The following NEDD4L variants were observed in gnomAD, a reference collection of about 807,000 sequenced individuals.
NEDD4L encodes the protein E3 ubiquitin-protein ligase NEDD4-like.
NEDD4L carries 54 observed loss-of-function variants against 148.9 expected under a neutral mutation model. The observed-to-expected ratio is 0.36, with a 90% CI of 0.29 to 0.45. NEDD4L has a LOEUF of 0.45. NEDD4L is among the 20% of genes least tolerant of loss of function. The probability of loss-of-function intolerance (pLI) is 1.00; values close to 1 mark genes in which losing one functional copy is unlikely to be tolerated. For missense variants in NEDD4L, 856 were observed against 1,233.8 expected (o/e 0.69, Z 4.59); for synonymous variants, 433 against 440.7 (o/e 0.98, Z 0.22).
chr18:58,397,737 G>A lies in NEDD4L; in HGVS notation c.*1468G>A, dbSNP rs1265532424. ...CCTGCACAGTTTGATTCTTTTCCAC[G>A]TGTAAGTCTCCATTGCAGAATTGTC... On this transcript the variant is annotated 3_prime_UTR_variant, in exon 31 of 31. Transcript: ENST00000400345. 2 of 152,756 alleles carry A rather than the reference G, an allele frequency of 1.3e-5. No individual in the cohort carries two copies. Among genetic ancestry groups the A allele is most frequent in the South Asian group, 2.1e-4 (1 of 4,828 alleles). 9.5% of individuals were successfully genotyped at this position (152,756 alleles called of 1,614,324 possible). A position where few individuals can be genotyped will look rare whatever the true frequency, so the allele number is the denominator to read the frequency against.
chr18:58,350,930 G>T, intron 17 of NEDD4L, 61 bp from the exon 18 acceptor site: 1 of 1,355,382 alleles, frequency 7.4e-7, no homozygotes, highest in Non-Finnish European at 1.0e-6. Flanking sequence ...TGTTGCCTTT[G>T]ATTTCAGAAC....
rs1600697481 is a variant in NEDD4L at position 58,284,909 on chromosome 18, G to A, written c.298-31073G>A. Reference sequence around the variant, plus strand: ...TTGGGACAAGGCAGTGGTGCACATGGGCCAGCTCCTGTAACTTTCCTGTTT... The same window carrying A: ...TTGGGACAAGGCAGTGGTGCACATGAGCCAGCTCCTGTAACTTTCCTGTTT... On this transcript the variant is annotated intron_variant, in intron 5 of 30. Transcript: ENST00000400345. Among the ~76,000 whole-genome samples the A allele has an allele frequency of 2.0e-5, 3 of 152,222 alleles. No homozygotes were observed. The South Asian group carries it at 6.2e-4, about 32-fold the overall frequency.
intron 27 of NEDD4L, chr18:58,387,905 C>T (rs2049260773): frequency 6.4e-6 from 1 of 157,440 alleles, no homozygotes; most frequent in Admixed American, 6.5e-5. Context: ...ACCAGACTGG[C>T]CAAGTATCCT....
intron 1 of NEDD4L, among the ~76,000 whole-genome samples, chr18:58,154,021 G>A (rs1200756740): frequency 6.6e-6 from 1 of 152,202 alleles, no homozygotes; most frequent in Non-Finnish European, 1.5e-5. Context: ...TGGCATTAAA[G>A]TCAAACATTA....
intron 1 of NEDD4L, among the ~76,000 whole-genome samples, chr18:58,155,843 C>T (rs997684434): frequency 6.6e-6 from 1 of 152,208 alleles, no homozygotes; most frequent in Non-Finnish European, 1.5e-5. Flanking sequence ...AGTCTCTAGA[C>T]ATGATCAGTT....
At chr18:58,214,131 A>G (rs2042888961) in intron 2 of NEDD4L, among the ~76,000 whole-genome samples, 1 of 151,866 alleles carries the variant, frequency 6.6e-6, no homozygotes, top group South Asian at 2.1e-4. Context: ...TGGGAAAAGC[A>G]GAGAGGAAAT....
chr18:58,341,138 G>A lies in NEDD4L; in HGVS notation c.1226G>A (p.Arg409Gln), dbSNP rs1312844888. The A allele has an allele frequency of 6.2e-6, 10 of 1,612,630 alleles. No individual in the cohort carries two copies. The highest frequency in any genetic ancestry group is 1.7e-5 in the Admixed American group (1 of 59,892). ...ACATACTATGTCAATCATAACAATC[G>A]AACCACAACTTGGACTCGACCTATC... is the stretch of plus-strand genomic sequence containing the variant. The part of the protein sequence containing the change: ...GRTYYVNHNN[R>Q]TTTWTRPIMQ... The change falls in exon 14 of 31, where the codon CGA becomes CAA. Residue 409 changes from arginine to glutamine, a missense_variant. Around this residue, in one of 4 missense-constraint regions of NEDD4L, gnomAD observed 367 missense variants for 422.7 expected, o/e 0.87. Transcript: ENST00000400345.
At chr18:58,316,806 T>G (rs559212016) in intron 6 of NEDD4L, among the ~76,000 whole-genome samples, 2 of 152,222 alleles carry the variant, frequency 1.3e-5, no homozygotes, top group African/African-American at 4.8e-5. Flanking sequence ...CCTGGCCTTC[T>G]TCCCTGGGCA....
chr18:58,173,196 T>A (rs2037710507), intron 2 of NEDD4L, among the ~76,000 whole-genome samples: 1 of 152,250 alleles, frequency 6.6e-6, no homozygotes, highest in Admixed American at 6.5e-5. Flanking sequence ...TGCAACTTTT[T>A]AAACCTAACT....
chr18:58,141,171 C>G (rs1022380793), intron 1 of NEDD4L, among the ~76,000 whole-genome samples: 8 of 152,204 alleles, frequency 5.3e-5, no homozygotes, highest in African/African-American at 1.9e-4. Flanking sequence ...TGTTAACCAT[C>G]AGCAGGGTTG....
chr18:58,105,300 G>T (rs760273910), intron 1 of NEDD4L, among the ~76,000 whole-genome samples: 2 of 152,094 alleles, frequency 1.3e-5, no homozygotes, highest in African/African-American at 4.8e-5. Context: ...GGATGCTTTC[G>T]AGGATTCAAT....
intron 1 of NEDD4L, among the ~76,000 whole-genome samples, chr18:58,054,538 C>T (rs537554400): frequency 3.9e-5 from 6 of 152,238 alleles, no homozygotes; most frequent in South Asian, 4.2e-4. Context: ...TTCAGGAATG[C>T]GCTGAGTAAT....
Position 58,393,935 on chromosome 18 carries a change from G to T in NEDD4L, c.2826-2232G>T, listed in dbSNP as rs576351009. ...ACTTCATTTCATTGTTCTATAAAAG[G>T]TCACTACTCAGACATTTAAAATTAC... On this transcript the variant is annotated intron_variant, in intron 30 of 30. Transcript: ENST00000400345. Among the ~76,000 whole-genome samples, 20 of 152,214 alleles carry T rather than the reference G, an allele frequency of 1.3e-4. No individual in the cohort carries two copies. In the South Asian group the frequency reaches 3.7e-3, roughly 28 times the overall value.
intron 1 of NEDD4L, among the ~76,000 whole-genome samples, chr18:58,161,261 C>T (rs887927447): frequency 6.6e-6 from 1 of 152,118 alleles, no homozygotes; most frequent in Non-Finnish European, 1.5e-5. Flanking sequence ...GAACTCCTGA[C>T]CTCAAGTGAT....
chr18:58,229,710 G>C (rs1164666725), intron 2 of NEDD4L, among the ~76,000 whole-genome samples: 1 of 152,094 alleles, frequency 6.6e-6, no homozygotes, highest in African/African-American at 2.4e-5. Flanking sequence ...CAGCTTTTTC[G>C]GCTGGGCGCG....
At chr18:58,308,323 T>G (rs2057296879) in intron 5 of NEDD4L, among the ~76,000 whole-genome samples, 1 of 152,216 alleles carries the variant, frequency 6.6e-6, no homozygotes, top group African/African-American at 2.4e-5. Context: ...AGGACCCCAG[T>G]AATACCTGGG....
At chr18:58,084,671 TTGTGTGTGTG>T (rs55916532) in intron 1 of NEDD4L, among the ~76,000 whole-genome samples, 35 of 133,822 alleles carry the variant, frequency 2.6e-4, no homozygotes, top group African/African-American at 4.5e-4. Context: ...TGTGGGGTTT[TTGTGTGTGTG>T]TGTGTGTGTG....
intron 1 of NEDD4L, among the ~76,000 whole-genome samples, chr18:58,080,813 A>G (rs1466786003): frequency 1.3e-5 from 2 of 152,162 alleles, no homozygotes; most frequent in African/African-American, 2.4e-5. Context: ...GACAACTGTT[A>G]TTTCCCTTGA....
intron 16 of NEDD4L, among the ~76,000 whole-genome samples, chr18:58,343,441 T>C (rs2042679666): frequency 6.6e-6 from 1 of 152,214 alleles, no homozygotes; most frequent in Non-Finnish European, 1.5e-5. Context: ...TCACTAGGAG[T>C]TATAATCATT....
Sources: allele counts gnomAD v4.1 joint callset (sites outside exome capture counted in the v4.1 genomes callset), GRCh38; gene constraint gnomAD v4.1.1; regional missense constraint gnomAD v4.1.1; transcripts MANE v1.5; gene names NCBI Gene and HGNC (gene_info 2026-07-23, HGNC 2026-07-21).